ADAMTS12: variants seen among roughly 807,000 people sequenced by gnomAD.
The protein encoded by ADAMTS12 is A disintegrin and metalloproteinase with thrombospondin motifs 12.
A neutral mutation model predicts 167.8 loss-of-function variants in ADAMTS12; 118 were observed. The ratio of observed to expected loss-of-function variants is 0.70; its 90% CI spans 0.61 to 0.82. ADAMTS12 has a LOEUF of 0.82. Ranked by LOEUF, ADAMTS12 falls within the 40% of genes least tolerant of loss-of-function variation. ADAMTS12 has a pLI of 0.00. For synonymous variants in ADAMTS12, 704 were observed against 716.9 expected (o/e 0.98, Z 0.29); for missense variants, 1,916 against 1,998.8 (o/e 0.96, Z 0.79).
At chr5:33,599,692 G>A (rs13184759) in intron 16 of ADAMTS12, among the ~76,000 whole-genome samples, 74,974 of 151,912 alleles carry the variant, frequency 0.49, 18,969 homozygotes, top group South Asian at 0.62. Context: ...TGTTCCAGCT[G>A]TTCCCTGCTG....
chr5:33,612,844 C>T (rs770816046), intron 16 of ADAMTS12, among the ~76,000 whole-genome samples: 1 of 152,236 alleles, frequency 6.6e-6, no homozygotes, highest in Non-Finnish European at 1.5e-5. Flanking sequence ...CCACAGACTG[C>T]ACCTTTGACC....
intron 2 of ADAMTS12, among the ~76,000 whole-genome samples, chr5:33,832,086 T>C (rs1185222677): frequency 1.3e-5 from 2 of 152,238 alleles, no homozygotes; most frequent in East Asian, 3.8e-4. Flanking sequence ...TCACCAAGAC[T>C]GTCGTTCATG....
intron 3 of ADAMTS12, among the ~76,000 whole-genome samples, chr5:33,734,123 C>G (rs1744286978): frequency 6.6e-6 from 1 of 152,086 alleles, no homozygotes. Flanking sequence ...AAGCAGTGGC[C>G]AAGCCATCAG....
At chr5:33,586,999 C>T (rs968902016) in intron 18 of ADAMTS12, among the ~76,000 whole-genome samples, 3 of 151,544 alleles carry the variant, frequency 2.0e-5, no homozygotes, top group African/African-American at 4.8e-5. Flanking sequence ...ATCTCTCCCA[C>T]TGGATGGAAG....
intron 2 of ADAMTS12, among the ~76,000 whole-genome samples, chr5:33,875,600 C>T (rs1288768091): frequency 2.6e-5 from 4 of 152,056 alleles, no homozygotes; most frequent in Admixed American, 2.6e-4. Context: ...AAGCACTTGA[C>T]AAAATTCAAT....
chr5:33,678,532 G>A (rs531622370), intron 5 of ADAMTS12, among the ~76,000 whole-genome samples: 2 of 152,282 alleles, frequency 1.3e-5, no homozygotes, highest in East Asian at 3.9e-4. Flanking sequence ...CTTCCCCAAG[G>A]AAGTGACACT....
Position 33,616,027 on chromosome 5 carries a change from CT to C in ADAMTS12, c.2188del (p.Arg730GlufsTer2), listed in dbSNP as rs1207985658. On this transcript the variant is annotated frameshift_variant, in exon 15 of 24. Coordinates refer to ENST00000504830, the MANE Select transcript of ADAMTS12 (RefSeq NM_030955.4). LOFTEE classifies it high-confidence loss of function. ...GLIPKGARDI[R>X]VMEIEGAGNF... ...TCCAGCTCCCTCAATTTCCATCACT[CT>C]TATGTCCCTTGCTCCTTTTGGAATG... The C allele has an allele frequency of 6.2e-7, 1 of 1,614,074 alleles. No individual in the cohort carries two copies. Among genetic ancestry groups the C allele is most frequent in the Non-Finnish European group, 8.5e-7 (1 of 1,180,020 alleles).
At chr5:33,612,524 T>C (rs566497028) in intron 16 of ADAMTS12, among the ~76,000 whole-genome samples, 49 of 152,366 alleles carry the variant, frequency 3.2e-4, no homozygotes, top group African/African-American at 1.2e-3. Context: ...CAGCACTGGC[T>C]GTTTCATTCC....
At chr5:33,870,799 G>T (rs1489367892) in intron 2 of ADAMTS12, among the ~76,000 whole-genome samples, 1 of 152,156 alleles carries the variant, frequency 6.6e-6, no homozygotes, top group Non-Finnish European at 1.5e-5. Context: ...GTTTAAAAGT[G>T]TGTAGTGCCT....
chr5:33,561,479 C>T (rs1745747041), intron 19 of ADAMTS12, among the ~76,000 whole-genome samples: 1 of 152,188 alleles, frequency 6.6e-6, no homozygotes, highest in Non-Finnish European at 1.5e-5. Flanking sequence ...AAATTTGCTT[C>T]CCTTTAAAAC....
In ADAMTS12 at chr5:33,572,550, C is replaced by T. The variant is rs1465449657; in HGVS notation, c.3972+3504G>A. Reference sequence around the variant, plus strand: ...AAGGCCTTTGACAAAATTCAACAAGCCTTCATGCTAAAAACTCTCAATAAA... The same window carrying T: ...AAGGCCTTTGACAAAATTCAACAAGTCTTCATGCTAAAAACTCTCAATAAA... On this transcript the variant is annotated intron_variant, in intron 19 of 23. Transcript: ENST00000504830. Among the ~76,000 whole-genome samples, 84 of 140,420 alleles carry T rather than the reference C, an allele frequency of 6.0e-4. 1 individual carries two copies. The highest frequency in any genetic ancestry group is 1.9e-3 in the African/African-American group (70 of 36,890). 92.1% of individuals were successfully genotyped at this position (140,420 alleles called of 152,430 possible).
intron 18 of ADAMTS12, among the ~76,000 whole-genome samples, chr5:33,585,295 T>C (rs1407349707): frequency 3.3e-5 from 5 of 152,202 alleles, no homozygotes; most frequent in Non-Finnish European, 7.3e-5. Flanking sequence ...GTTGTCTGGA[T>C]GCACTGGGTT....
At chr5:33,885,418 G>A (rs546085826) in intron 1 of ADAMTS12, among the ~76,000 whole-genome samples, 11 of 152,144 alleles carry the variant, frequency 7.2e-5, no homozygotes, top group South Asian at 4.1e-4. Context: ...ACGGTGAGCC[G>A]AGATCGTGCC....
intron 3 of ADAMTS12, among the ~76,000 whole-genome samples, chr5:33,745,989 GATAATA>G (rs1432518194): frequency 6.6e-6 from 1 of 151,996 alleles, no homozygotes; most frequent in Non-Finnish European, 1.5e-5. Context: ...TCTTACGGCA[GATAATA>G]ATAATAACAT....
rs34517781 is a variant in ADAMTS12, at chr5:33,791,770, C to CTT, written c.490-40224_490-40223dup. ...ATTCCACTCTTTTTTATTTCCTTTT[C>CTT]TTTTTTTTTTTTTGGCCTTAGGATA... On this transcript the variant is annotated intron_variant, in intron 2 of 23. Coordinates refer to ENST00000504830, the MANE Select transcript of ADAMTS12 (RefSeq NM_030955.4). Among the ~76,000 whole-genome samples, 186 of 141,316 alleles carry CTT rather than the reference C, an allele frequency of 1.3e-3. 1 individual carries two copies. The highest frequency in any genetic ancestry group is 5.1e-3 in the South Asian group (23 of 4,468). 92.7% of individuals were successfully genotyped at this position (141,316 alleles called of 152,430 possible).
chr5:33,705,189 A>G (rs547919081), intron 3 of ADAMTS12, among the ~76,000 whole-genome samples: 2 of 152,106 alleles, frequency 1.3e-5, no homozygotes, highest in African/African-American at 2.4e-5. Flanking sequence ...TTCACTTAGA[A>G]TAATGGTCTC....
At chr5:33,698,725 G>A (rs1742876585) in intron 3 of ADAMTS12, among the ~76,000 whole-genome samples, 1 of 152,220 alleles carries the variant, frequency 6.6e-6, no homozygotes, top group South Asian at 2.1e-4. Context: ...ATCACCTGAG[G>A]TCAGGAGTTT....
At chr5:33,713,729 TG>T (rs1428120667) in intron 3 of ADAMTS12, among the ~76,000 whole-genome samples, 2 of 152,106 alleles carry the variant, frequency 1.3e-5, no homozygotes, top group Non-Finnish European at 2.9e-5. Flanking sequence ...TCGATTCACT[TG>T]TTTGGTTAGT....
chr5:33,632,246 T>C (rs570810693), intron 12 of ADAMTS12, among the ~76,000 whole-genome samples: 4 of 151,890 alleles, frequency 2.6e-5, no homozygotes, highest in Non-Finnish European at 4.4e-5. Context: ...ACTCCAAAAG[T>C]AAGGAGGGTG....
Sources: gnomAD v4.1 joint callset for allele counts (sites outside exome capture counted in the v4.1 genomes callset) on GRCh38, gnomAD v4.1.1 for gene constraint, MANE v1.5 for transcripts, NCBI Gene and HGNC (gene_info 2026-07-23, HGNC 2026-07-21) for gene names.